MARCHF1: variants seen among roughly 807,000 people sequenced by gnomAD.
MARCHF1 encodes membrane associated ring-CH-type finger 1.
In MARCHF1, 40 loss-of-function variants were observed where a neutral mutation model predicts 54.2. The observed-to-expected ratio is 0.74, with a 90% CI of 0.57 to 0.96. The LOEUF (loss-of-function observed/expected upper bound fraction) is 0.96. Ranked by LOEUF, MARCHF1 falls within the 40% of genes least tolerant of loss-of-function variation. The probability of loss-of-function intolerance (pLI) is 0.00; values close to 1 mark genes in which losing one functional copy is unlikely to be tolerated. For synonymous variants in MARCHF1, 236 were observed against 236.3 expected (o/e 1.00, Z 0.01); for missense variants, 586 against 656.5 (o/e 0.89, Z 1.17).
At chr4:163,930,816 G>A (rs1349816265) in intron 3 of MARCHF1, among the ~76,000 whole-genome samples, 3 of 152,076 alleles carry the variant, frequency 2.0e-5, no homozygotes, top group Non-Finnish European at 4.4e-5. Context: ...AGTTGATGCT[G>A]AATAAGTTAA....
chr4:164,236,959 G>A (rs2111195706), intron 1 of MARCHF1, among the ~76,000 whole-genome samples: 1 of 152,216 alleles, frequency 6.6e-6, no homozygotes, highest in South Asian at 2.1e-4. Context: ...TTGCACAACA[G>A]TAAAATCCAC....
chr4:163,888,055 A>C (rs1007337513), intron 3 of MARCHF1, among the ~76,000 whole-genome samples: 4 of 152,206 alleles, frequency 2.6e-5, no homozygotes, highest in Non-Finnish European at 4.4e-5. Flanking sequence ...CTGACTTAAA[A>C]ATTGTGAAAA....
At position 164,310,096 on chromosome 4, in the gene MARCHF1, T is replaced by A. The variant is rs1195556063; in HGVS notation, c.-323+73774A>T. 4.6e-5 allele frequency among the ~76,000 whole-genome samples: 7 copies of A among 152,276 alleles called. No homozygotes were observed. In the East Asian group the frequency reaches 1.4e-3, roughly 29 times the overall value. ...TTTTAATTTTTATTTATTTATTTTT[T>A]GAGACAGAGTCTCGCTCTGTCGCCA... On this transcript the variant is annotated intron_variant, in intron 1 of 9. Coordinates refer to ENST00000514618, the MANE Select transcript of MARCHF1 (RefSeq NM_001394959.1).
intron 5 of MARCHF1, among the ~76,000 whole-genome samples, chr4:163,632,064 C>T (rs1742106516): frequency 6.6e-6 from 1 of 152,078 alleles, no homozygotes; most frequent in Admixed American, 6.5e-5. Flanking sequence ...AAGATGGCTA[C>T]TATAAAGAAA....
At chr4:163,862,605 G>A (rs1368859266) in intron 3 of MARCHF1, among the ~76,000 whole-genome samples, 3 of 151,996 alleles carry the variant, frequency 2.0e-5, no homozygotes, top group Admixed American at 1.3e-4. Context: ...ATTGCTCGTG[G>A]GAATACAAAA....
intron 4 of MARCHF1, among the ~76,000 whole-genome samples, chr4:163,811,669 C>T (rs1253930893): frequency 2.0e-5 from 3 of 152,206 alleles, no homozygotes; most frequent in South Asian, 2.1e-4. Context: ...AAAGCTTACA[C>T]AATTTTATTA....
chr4:164,214,977 G>A (rs1037405276), intron 1 of MARCHF1, among the ~76,000 whole-genome samples: 8 of 152,280 alleles, frequency 5.3e-5, no homozygotes, highest in African/African-American at 1.7e-4. Flanking sequence ...CTGACCCCAC[G>A]GCAGTGTCTA....
At chr4:163,948,255 T>C (rs1579414548) in intron 3 of MARCHF1, among the ~76,000 whole-genome samples, 1 of 152,232 alleles carries the variant, frequency 6.6e-6, no homozygotes. Context: ...GTAATATCAT[T>C]AGCTAGACTT....
intron 4 of MARCHF1, among the ~76,000 whole-genome samples, chr4:163,748,801 C>T (rs953522042): frequency 2.0e-5 from 3 of 152,164 alleles, no homozygotes; most frequent in African/African-American, 7.2e-5. Flanking sequence ...GTGGCACAGC[C>T]CCCCCGCCCA....
chr4:163,929,963 A>ATATATATATTATAT (rs56692278), intron 3 of MARCHF1, among the ~76,000 whole-genome samples: 1 of 62,152 alleles, frequency 1.6e-5, no homozygotes, highest in Admixed American at 1.9e-4. Context: ...TATTATATAT[A>ATATATATATTATAT]ATATATATAA....
At chr4:164,076,911 C>T (rs185276660) in intron 2 of MARCHF1, among the ~76,000 whole-genome samples, 2,140 of 152,238 alleles carry the variant, frequency 0.014, 141 homozygotes, top group Admixed American at 0.13. Flanking sequence ...ACATTCCATG[C>T]TCATGGATAG....
At chr4:163,955,672 C>T (rs987167915) in intron 3 of MARCHF1, among the ~76,000 whole-genome samples, 1 of 152,104 alleles carries the variant, frequency 6.6e-6, no homozygotes, top group African/African-American at 2.4e-5. Flanking sequence ...TCCTTTATAT[C>T]TTCCCAATCC....
intron 2 of MARCHF1, among the ~76,000 whole-genome samples, chr4:163,994,297 T>TGA (rs1753024089): frequency 1.4e-5 from 2 of 141,650 alleles, no homozygotes; most frequent in Admixed American, 7.1e-5. Flanking sequence ...TGTGTGTGTG[T>TGA]GTGTGAGTGT....
At chr4:163,814,190 G>A (rs769108878) in intron 4 of MARCHF1, among the ~76,000 whole-genome samples, 1 of 152,084 alleles carries the variant, frequency 6.6e-6, no homozygotes, top group Non-Finnish European at 1.5e-5. Flanking sequence ...TTGCCCTTTC[G>A]ACCCTCACAT....
At chr4:163,590,437 T>C (rs1740554211) in intron 7 of MARCHF1, among the ~76,000 whole-genome samples, 1 of 152,086 alleles carries the variant, frequency 6.6e-6, no homozygotes, top group Non-Finnish European at 1.5e-5. Flanking sequence ...CAGCAATTTC[T>C]CTAGTGGTTT....
chr4:163,835,728 A>G (rs753001802), intron 4 of MARCHF1, among the ~76,000 whole-genome samples: 1 of 151,802 alleles, frequency 6.6e-6, no homozygotes, highest in Non-Finnish European at 1.5e-5. Flanking sequence ...ATTTGGCCAA[A>G]TTTTTTCTTT....
chr4:163,759,051 A>G (rs917203304), intron 4 of MARCHF1, among the ~76,000 whole-genome samples: 3 of 152,038 alleles, frequency 2.0e-5, no homozygotes, highest in African/African-American at 7.2e-5. Flanking sequence ...TTTATAATAT[A>G]AAGTTTCATT....
At chr4:163,708,564 T>G (rs1281405248) in intron 4 of MARCHF1, among the ~76,000 whole-genome samples, 1 of 152,164 alleles carries the variant, frequency 6.6e-6, no homozygotes, top group Non-Finnish European at 1.5e-5. Flanking sequence ...TTTGAGAGAT[T>G]TCCATAAGGT....
chr4:163,800,234 G>A (rs961096056), intron 4 of MARCHF1, among the ~76,000 whole-genome samples: 4 of 151,928 alleles, frequency 2.6e-5, no homozygotes, highest in Non-Finnish European at 4.4e-5. Context: ...ACACAATATA[G>A]CCAAACCTAT....
Sources: gnomAD v4.1 joint callset for allele counts (sites outside exome capture counted in the v4.1 genomes callset) on GRCh38, gnomAD v4.1.1 for gene constraint, MANE v1.5 for transcripts, NCBI Gene and HGNC (gene_info 2026-07-23, HGNC 2026-07-21) for gene names.